RPP14: variants seen among roughly 807,000 people sequenced by gnomAD.
RPP14 encodes ribonuclease P/MRP subunit p14.
In RPP14, 19 loss-of-function variants were observed where a neutral mutation model predicts 17.8. That is an observed-to-expected ratio of 1.07 (90% CI 0.74 to 1.57). RPP14 has a LOEUF of 1.57. Ranked by LOEUF, RPP14 falls within the 40% of genes most tolerant of loss-of-function variation. RPP14 has a pLI of 0.00. For missense variants in RPP14, 125 were observed against 140.8 expected, an observed-to-expected ratio of 0.89 and a Z score of 0.57; for synonymous variants, 60 against 56.4, an observed-to-expected ratio of 1.06 and a Z score of -0.29.
At chr3:58,309,410 G>C (rs2097479614) in intron 1 of RPP14, among the ~76,000 whole-genome samples, 1 of 152,162 alleles carries the variant, frequency 6.6e-6, no homozygotes, top group South Asian at 2.1e-4. Flanking sequence ...ACAAGCTAAG[G>C]CATGTGAAAT....
At chr3:58,310,439 T>A (rs775119642) in intron 2 of RPP14, 33 bp downstream of exon 2, 1 of 1,608,898 alleles carries the variant, frequency 6.2e-7, no homozygotes, top group South Asian at 1.1e-5. Context: ...TATTTTAGAT[T>A]ACTTTTCTAA....
chr3:58,308,969 C>T (rs568827646), intron 1 of RPP14, among the ~76,000 whole-genome samples: 19 of 152,208 alleles, frequency 1.2e-4, no homozygotes, highest in Non-Finnish European at 2.5e-4. Flanking sequence ...TGAGCATGTT[C>T]TACGTTCTTG....
chr3:58,317,880 C>A lies in RPP14; in HGVS notation c.*384C>A, dbSNP rs770479821. 1 of 703,010 alleles carries A rather than the reference C, an allele frequency of 1.4e-6. No individual in the cohort carries two copies. The highest frequency in any genetic ancestry group is 2.6e-6 in the Non-Finnish European group (1 of 384,996). 43.5% of individuals were successfully genotyped at this position (703,010 alleles called of 1,614,324 possible). ...CAATTGTACATGGAGTTTTGATCAA[C>A]GGACTTATCTCAGCTCTCCTAGGAA... On this transcript the variant is annotated 3_prime_UTR_variant, in exon 6 of 6. Coordinates refer to ENST00000295959, the MANE Select transcript of RPP14 (RefSeq NM_007042.6).
intron 1 of RPP14, chr3:58,308,010 C>T (rs2097477538): frequency 6.6e-6 from 1 of 152,064 alleles, no homozygotes; most frequent in South Asian, 2.1e-4. Flanking sequence ...CATCTAAGCC[C>T]TGGGTCTAAT....
chr3:58,306,563 C>G (rs1282609608), intron 1 of RPP14, 146 bp downstream of exon 1: 3 of 152,182 alleles, frequency 2.0e-5, no homozygotes, highest in Admixed American at 2.0e-4. Flanking sequence ...TACGGCGCCG[C>G]GTAGGGTCTC....
chr3:58,313,936 CAACA>C (rs2097485125), intron 3 of RPP14, among the ~76,000 whole-genome samples: 1 of 152,222 alleles, frequency 6.6e-6, no homozygotes, highest in Admixed American at 6.5e-5. Flanking sequence ...CCCGTAATCC[CAACA>C]CTTTGGGAAG....
chr3:58,310,288 A>G (rs1307596762), intron 1 of RPP14, 21 bp from the exon 2 acceptor site: 1 of 1,565,156 alleles, frequency 6.4e-7, no homozygotes, highest in Non-Finnish European at 8.8e-7. Flanking sequence ...GGTCATTTCT[A>G]GCCCTCTTGA....
intron 3 of RPP14, among the ~76,000 whole-genome samples, chr3:58,313,304 G>A (rs1559794455): frequency 6.6e-6 from 1 of 152,014 alleles, no homozygotes; most frequent in Admixed American, 6.6e-5. Flanking sequence ...AACTAAACAT[G>A]GTGATTAATG....
At chr3:58,306,556 G>C (rs963120272) in intron 1 of RPP14, 139 bp downstream of exon 1, 1 of 152,256 alleles carries the variant, frequency 6.6e-6, no homozygotes, top group Non-Finnish European at 1.5e-5. Context: ...GCCTCTGTAC[G>C]GCGCCGCGTA....
Position 58,317,793 on chromosome 3 carries a change from A to G in RPP14, c.*297A>G, listed in dbSNP as rs1162179876. On this transcript the variant is annotated 3_prime_UTR_variant, in exon 6 of 6. Coordinates refer to ENST00000295959, the MANE Select transcript of RPP14 (RefSeq NM_007042.6). ...ATGTGGCTACCTTCTCAGAATTAAC[A>G]GGGGATGTCAATCCTTTGCATTTGA... is the stretch of plus-strand genomic sequence containing the variant. The G allele has an allele frequency of 1.4e-6, 1 of 703,092 alleles. No homozygotes were observed. The highest frequency in any genetic ancestry group is 1.7e-5 in the African/African-American group (1 of 57,394). The allele number at this position is 703,092 out of a possible 1,614,324, so 43.6% of individuals were successfully genotyped here.
chr3:58,308,345 A>G (rs1413016337), intron 1 of RPP14, among the ~76,000 whole-genome samples: 1 of 152,156 alleles, frequency 6.6e-6, no homozygotes, highest in Non-Finnish European at 1.5e-5. Flanking sequence ...GTGCAGTGGT[A>G]CAATCACAGT....
At position 58,317,006 on chromosome 3, in the gene RPP14, C is replaced by G. The variant is rs1393411710; in HGVS notation, c.318+13C>G. ...CCGGGTGATTCAGGTAAAGACTATTCCCTCACATATTCCAAACAAGACTGA... is the reference window on the plus strand; with the variant it reads ...CCGGGTGATTCAGGTAAAGACTATTGCCTCACATATTCCAAACAAGACTGA... On this transcript the variant is annotated intron_variant, in intron 5 of 5. Transcript: ENST00000295959. 1 of 1,595,550 alleles carries G rather than the reference C, an allele frequency of 6.3e-7. No homozygotes were observed. Among genetic ancestry groups the G allele is most frequent in the South Asian group, 1.1e-5 (1 of 90,370 alleles).
intron 1 of RPP14, among the ~76,000 whole-genome samples, chr3:58,309,652 GA>G: frequency 1.3e-5 from 2 of 152,356 alleles, no homozygotes; most frequent in African/African-American, 4.8e-5. Flanking sequence ...GGCACTCTGG[GA>G]GGCCGAGGCA....
rs367585259 is a variant in RPP14 at position 58,310,567 on chromosome 3, G to A, written c.138G>A (p.Ser46=). The change falls in exon 3 of 6, where the codon TCG becomes TCA. Residue 46 remains serine (S), a synonymous_variant. Transcript: ENST00000295959. ...CACAGTTCAAACAGCTGCTTATTTC[G>A]GCTGTGAAGGACCTGTTTGGGGAGG... is the stretch of plus-strand genomic sequence containing the variant. The part of the protein sequence containing the change: ...NAAQFKQLLI[S]AVKDLFGEVD... 41 of 1,612,202 alleles carry A rather than the reference G, an allele frequency of 2.5e-5. No individual in the cohort carries two copies. Among genetic ancestry groups the A allele is most frequent in the African/African-American group, 1.7e-4 (13 of 74,466 alleles).
chr3:58,310,475 A>G (rs2097480931), intron 2 of RPP14, 32 bp from the exon 3 acceptor site: 1 of 1,586,972 alleles, frequency 6.3e-7, no homozygotes, highest in African/African-American at 1.4e-5. Context: ...AATGAAATTT[A>G]ATATGACTTT....
chr3:58,307,989 C>T (rs907071182), intron 1 of RPP14: 5 of 151,692 alleles, frequency 3.3e-5, no homozygotes, highest in Admixed American at 1.3e-4. Flanking sequence ...TGTAAGTCTT[C>T]GTTTTACTGG....
chr3:58,312,093 A>G lies in RPP14; in HGVS notation c.162+1502A>G, dbSNP rs189549557. 2.5e-3 allele frequency among the ~76,000 whole-genome samples: 379 copies of G among 151,674 alleles called. 1 individual carries two copies. Among genetic ancestry groups the G allele is most frequent in the African/African-American group, 8.3e-3 (343 of 41,342 alleles). On this transcript the variant is annotated intron_variant, in intron 3 of 5. Coordinates refer to ENST00000295959, the MANE Select transcript of RPP14 (RefSeq NM_007042.6). ...TTGCCCAGGCTCCTGGACTCAAGCA[A>G]TCCTCCTGCCTTGGCCTCCCAAAGC...
intron 3 of RPP14, chr3:58,315,803 A>G (rs2097487682): frequency 3.3e-5 from 5 of 152,472 alleles, no homozygotes; most frequent in East Asian, 1.9e-4. Context: ...CAGCCTCGCA[A>G]GTAGCTGGGA....
rs901188719 is a variant in RPP14 at position 58,318,658 on chromosome 3, G to T, written c.*1162G>T. 6.6e-6 allele frequency: 1 copy of T among 152,136 alleles called. No individual in the cohort carries two copies. Among genetic ancestry groups the T allele is most frequent in the Non-Finnish European group, 1.5e-5 (1 of 68,190 alleles). 9.4% of individuals were successfully genotyped at this position (152,136 alleles called of 1,614,324 possible). ...CCACTGCACTGTAGCCTGAGTGACA[G>T]AGCGAGACCCTGTCTCAAGAAAGAA... On this transcript the variant is annotated 3_prime_UTR_variant, in exon 6 of 6. Transcript: ENST00000295959.
Sources: allele counts gnomAD v4.1 joint callset (sites outside exome capture counted in the v4.1 genomes callset), GRCh38; gene constraint gnomAD v4.1.1; transcripts MANE v1.5; gene names NCBI Gene and HGNC (gene_info 2026-07-23, HGNC 2026-07-21).